Variants in ZBBX observed in about 807,000 individuals in gnomAD.
ZBBX encodes zinc finger B-box domain-containing protein 1.
In ZBBX, 101 loss-of-function variants were observed where a neutral mutation model predicts 108.5. The observed-to-expected ratio is 0.93, with a 90% CI of 0.79 to 1.10. The LOEUF is 1.10. ZBBX is among the 50% of genes least tolerant of loss of function. The pLI, the probability that ZBBX is intolerant of heterozygous loss-of-function variation, is 0.00. For missense variants in ZBBX, 1,009 were observed against 941.4 expected (o/e 1.07, Z -0.94); for synonymous variants, 356 against 323.4 (o/e 1.10, Z -1.08).
At chr3:167,184,529 T>C in the ZBBX span, among the ~76,000 whole-genome samples, 6 of 152,188 alleles carry the variant, frequency 3.9e-5, no homozygotes, top group East Asian at 1.2e-3. Flanking sequence ...AATGAAAACT[T>C]ATTTTCACAT....
At chr3:167,270,267 GTGTATTTACCCT>G (rs1726295786) in intron 20 of ZBBX, among the ~76,000 whole-genome samples, 1 of 152,152 alleles carries the variant, frequency 6.6e-6, no homozygotes, top group Admixed American at 6.5e-5. Flanking sequence ...TGAAGGCATC[GTGTATTTACCCT>G]TGCCTCAAAC....
At chr3:167,371,020 T>C (rs746612598) in intron 4 of ZBBX, among the ~76,000 whole-genome samples, 1 of 152,092 alleles carries the variant, frequency 6.6e-6, no homozygotes, top group Non-Finnish European at 1.5e-5. Flanking sequence ...AACACCAGAA[T>C]GTCAGACAAT....
the ZBBX span, among the ~76,000 whole-genome samples, chr3:167,199,432 T>C: frequency 7.8e-4 from 119 of 152,312 alleles, 1 homozygote; most frequent in African/African-American, 2.8e-3. Context: ...ACTTCCCTCC[T>C]GGGAATTATA....
intron 10 of ZBBX, among the ~76,000 whole-genome samples, chr3:167,333,113 T>G (rs1171385732): frequency 6.6e-6 from 1 of 151,938 alleles, no homozygotes; most frequent in Non-Finnish European, 1.5e-5. Context: ...AGAACACATT[T>G]TCTTTTATGT....
In ZBBX at chr3:167,386,149, G is replaced by C. The variant is rs1747916191; in HGVS notation, c.-445-5744C>G. On this transcript the variant is annotated intron_variant, in intron 1 of 21. Transcript: ENST00000455345. ...CAGAAGAAAGAAAGAAAGGATAAAA[G>C]GTAAAAAAAGAAAAAATAAAGGATG... is the stretch of plus-strand genomic sequence containing the variant. 2.0e-5 allele frequency among the ~76,000 whole-genome samples: 3 copies of C among 151,434 alleles called. No individual in the cohort carries two copies. The South Asian group carries it at 6.2e-4, about 31-fold the overall frequency.
chr3:167,402,783 TG>T (rs1299737443), intron 1 of ZBBX, among the ~76,000 whole-genome samples: 5 of 107,140 alleles, frequency 4.7e-5, no homozygotes, highest in Non-Finnish European at 9.1e-5. Context: ...AACTACAATA[TG>T]TAAAAAAAAA....
chr3:167,350,832 C>T (rs960785841), intron 8 of ZBBX, among the ~76,000 whole-genome samples: 4 of 152,006 alleles, frequency 2.6e-5, no homozygotes, highest in Non-Finnish European at 4.4e-5. Context: ...TCTGAATAAA[C>T]TATAAAACAA....
Position 167,282,259 on chromosome 3 carries a change from G to T in ZBBX, c.2233C>A (p.Gln745Lys). ...HTLDNLEKEL[Q>K]VLRSLADTSE... ...TTACCTGCAAGAGATCTCAGCACTTGTAATTCTTTTTCCAAATTGTCTAAA... is the reference window on the plus strand; with the variant it reads ...TTACCTGCAAGAGATCTCAGCACTTTTAATTCTTTTTCCAAATTGTCTAAA... Residue 745 changes from glutamine (Q) to lysine (K), a missense_variant, in exon 20 of 22, where the codon CAA (glutamine) becomes AAA (lysine). Gln to Lys is a moderately conservative substitution (Grantham distance 53, BLOSUM62 1). Transcript: ENST00000675490. 1 of 1,612,458 alleles carries T rather than the reference G, an allele frequency of 6.2e-7. No individual in the cohort carries two copies. The highest frequency in any genetic ancestry group is 1.3e-5 in the African/African-American group (1 of 74,884).
intron 8 of ZBBX, among the ~76,000 whole-genome samples, chr3:167,356,034 C>T (rs1157710284): frequency 6.6e-6 from 1 of 152,044 alleles, no homozygotes; most frequent in Non-Finnish European, 1.5e-5. Flanking sequence ...GCCCTATCTA[C>T]TTGTGTCATA....
intron 8 of ZBBX, among the ~76,000 whole-genome samples, chr3:167,359,165 T>A (rs577972548): frequency 6.6e-5 from 10 of 152,196 alleles, no homozygotes; most frequent in African/African-American, 2.2e-4. Flanking sequence ...TTAACATGGA[T>A]GAATCATGTG....
intron 15 of ZBBX, among the ~76,000 whole-genome samples, chr3:167,314,612 A>G (rs565507651): frequency 6.6e-6 from 1 of 152,342 alleles, no homozygotes; most frequent in African/African-American, 2.4e-5. Context: ...ACTGAATAAT[A>G]TATTTAGTAA....
At chr3:167,381,318 A>T (rs2108631404), upstream of ZBBX, 1 of 152,272 alleles carries the variant, frequency 6.6e-6, no homozygotes, top group East Asian at 1.9e-4. Flanking sequence ...TACTGCCACA[A>T]CTTACCTGCT....
At chr3:167,275,320 G>A (rs1352351653) in intron 20 of ZBBX, among the ~76,000 whole-genome samples, 4 of 152,170 alleles carry the variant, frequency 2.6e-5, no homozygotes, top group Non-Finnish European at 1.5e-5. Context: ...AGCTCCCAGC[G>A]TGAGCGACGC....
chr3:167,330,761 G>C (rs1375047454), intron 10 of ZBBX, among the ~76,000 whole-genome samples: 1 of 140,406 alleles, frequency 7.1e-6, no homozygotes, highest in African/African-American at 2.7e-5. Flanking sequence ...CTCACATGAA[G>C]AAGAAGAAAA....
chr3:167,217,874 T>G, the ZBBX span, among the ~76,000 whole-genome samples: 1 of 149,642 alleles, frequency 6.7e-6, no homozygotes, highest in Admixed American at 6.8e-5. Context: ...GAAAACCAAA[T>G]GTCGCATGTT....
Position 167,360,710 on chromosome 3 carries a change from T to C in ZBBX, c.287A>G (p.Lys96Arg). Residue 96 changes from lysine to arginine, a missense_variant, in exon 7 of 22, where the codon AAA becomes AGA. Lys to Arg is a conservative substitution (Grantham distance 26). Transcript: ENST00000675490. ...TTCCTTCAGCAATTTTAATTTCACT[T>C]TTCCAGCAGAAAACTGTATTAATAA... ...KGNVVKFSAG[K>R]VKLKLLKEQI... 4 of 1,391,238 alleles carry C rather than the reference T, an allele frequency of 2.9e-6. No homozygotes were observed. Among genetic ancestry groups the C allele is most frequent in the Non-Finnish European group, 2.8e-6 (3 of 1,062,312 alleles). The allele number at this position is 1,391,238 out of a possible 1,614,324, so 86.2% of individuals were successfully genotyped here.
chr3:167,266,116 A>C (rs2108445504), intron 20 of ZBBX, among the ~76,000 whole-genome samples: 1 of 152,328 alleles, frequency 6.6e-6, no homozygotes, highest in African/African-American at 2.4e-5. Flanking sequence ...GACAGTTGTT[A>C]AAATTTGGTG....
chr3:167,401,346 G>A (rs1269820548), intron 1 of ZBBX: 1 of 152,136 alleles, frequency 6.6e-6, no homozygotes, highest in Admixed American at 6.5e-5. Context: ...GGAAAGGGGT[G>A]CAGACCCAGA....
intron 19 of ZBBX, chr3:167,282,701 T>C (rs1051381151): frequency 4.3e-6 from 2 of 461,770 alleles, no homozygotes; most frequent in Admixed American, 3.7e-5. Flanking sequence ...AGAACACTTC[T>C]GTGTATTTTT....
Sources: gnomAD v4.1 joint callset for allele counts (sites outside exome capture counted in the v4.1 genomes callset) on GRCh38, gnomAD v4.1.1 for gene constraint, MANE v1.5 for transcripts, NCBI Gene and HGNC (gene_info 2026-07-23, HGNC 2026-07-21) for gene names.